Variants in CDK14 observed in about 807,000 individuals in gnomAD.
CDK14 encodes cyclin dependent kinase 14, also known as cyclin-dependent kinase 14.
In CDK14, 34 loss-of-function variants were observed where a neutral mutation model predicts 60.7. That is an observed-to-expected ratio of 0.56 (90% confidence interval 0.43 to 0.75). CDK14 has a LOEUF of 0.75. Ranked by LOEUF, CDK14 falls within the 30% of genes least tolerant of loss-of-function variation. CDK14 has a pLI of 0.00. For missense variants in CDK14, 482 were observed against 564.1 expected (o/e 0.85, Z 1.47); for synonymous variants, 197 against 203.7 (o/e 0.97, Z 0.28).
intron 10 of CDK14, among the ~76,000 whole-genome samples, chr7:90,987,320 A>G (rs1795400840): frequency 6.6e-6 from 1 of 152,022 alleles, no homozygotes; most frequent in South Asian, 2.1e-4. Flanking sequence ...CTAAACTACC[A>G]TTGCTCTTGT....
intron 2 of CDK14, among the ~76,000 whole-genome samples, chr7:90,702,182 T>C (rs983224979): frequency 2.0e-5 from 3 of 152,196 alleles, no homozygotes; most frequent in Non-Finnish European, 2.9e-5. Context: ...GTTCTACTTC[T>C]TTTTAAGAAA....
At chr7:90,712,329 C>G (rs1285948372) in intron 2 of CDK14, among the ~76,000 whole-genome samples, 2 of 151,800 alleles carry the variant, frequency 1.3e-5, no homozygotes, top group Non-Finnish European at 2.9e-5. Context: ...CCCTGGTAAT[C>G]TTATTCTACT....
intron 14 of CDK14, among the ~76,000 whole-genome samples, chr7:91,165,506 A>AG (rs1562977532): frequency 2.0e-5 from 3 of 152,178 alleles, no homozygotes; most frequent in African/African-American, 7.2e-5. Flanking sequence ...TTGGGTCTCC[A>AG]GGACTCCTTT....
At chr7:91,144,236 T>C (rs1022200976) in intron 14 of CDK14, among the ~76,000 whole-genome samples, 1 of 152,202 alleles carries the variant, frequency 6.6e-6, no homozygotes, top group Non-Finnish European at 1.5e-5. Context: ...TAAAACTGAA[T>C]GCAGTAAGAA....
At chr7:91,150,854 A>T (rs1800809988) in intron 14 of CDK14, among the ~76,000 whole-genome samples, 1 of 152,158 alleles carries the variant, frequency 6.6e-6, no homozygotes, top group Non-Finnish European at 1.5e-5. Context: ...TTAAAATTTA[A>T]ATTTTGATTC....
chr7:90,929,043 G>A (rs1793509932), intron 8 of CDK14, among the ~76,000 whole-genome samples: 2 of 152,204 alleles, frequency 1.3e-5, no homozygotes, highest in African/African-American at 4.8e-5. Context: ...GTAATCTCCT[G>A]GTGTGCCGTT....
intron 2 of CDK14, among the ~76,000 whole-genome samples, chr7:90,656,074 T>G (rs1196140133): frequency 1.3e-5 from 2 of 152,200 alleles, no homozygotes; most frequent in African/African-American, 4.8e-5. Context: ...TTTTGCGACT[T>G]CCAGGCATAA....
At chr7:90,946,481 G>T (rs1794103582) in intron 8 of CDK14, among the ~76,000 whole-genome samples, 1 of 151,992 alleles carries the variant, frequency 6.6e-6, no homozygotes, top group African/African-American at 2.4e-5. Flanking sequence ...AGAAAACCTG[G>T]GCAGCAACCA....
intron 9 of CDK14, among the ~76,000 whole-genome samples, chr7:90,976,170 C>T (rs1795067265): frequency 6.6e-6 from 1 of 152,148 alleles, no homozygotes; most frequent in South Asian, 2.1e-4. Context: ...CTTTTCTCCA[C>T]ATCCTTGCCA....
chr7:91,150,912 A>C (rs1433689923), intron 14 of CDK14, among the ~76,000 whole-genome samples: 1 of 152,230 alleles, frequency 6.6e-6, no homozygotes, highest in South Asian at 2.1e-4. Context: ...AATCAAAATG[A>C]ATTAGGTATT....
At chr7:90,994,152 T>C (rs543578065) in intron 10 of CDK14, among the ~76,000 whole-genome samples, 1 of 152,258 alleles carries the variant, frequency 6.6e-6, no homozygotes, top group African/African-American at 2.4e-5. Context: ...AGGAATTCAG[T>C]AGGAGCTTGG....
At chr7:90,694,515 A>T (rs1801617916) in intron 2 of CDK14, among the ~76,000 whole-genome samples, 1 of 152,126 alleles carries the variant, frequency 6.6e-6, no homozygotes, top group Admixed American at 6.5e-5. Flanking sequence ...GACCAACTGA[A>T]CTTTATTTTA....
At chr7:90,796,008 A>G (rs974239513) in intron 5 of CDK14, among the ~76,000 whole-genome samples, 3 of 152,202 alleles carry the variant, frequency 2.0e-5, no homozygotes, top group African/African-American at 7.2e-5. Context: ...CCTGAGGCAC[A>G]TTAAAGGTTA....
chr7:90,903,791 A>G (rs1190227533), intron 7 of CDK14, among the ~76,000 whole-genome samples: 1 of 152,194 alleles, frequency 6.6e-6, no homozygotes, highest in East Asian at 1.9e-4. Flanking sequence ...TATACATTGT[A>G]TGATTGTATA....
rs1805897733 is a variant in CDK14, at chr7:90,793,020, G to A, written c.544+2368G>A. Among the ~76,000 whole-genome samples the A allele has an allele frequency of 2.0e-5, 3 of 152,190 alleles. No homozygotes were observed. The South Asian group carries it at 6.2e-4, about 32-fold the overall frequency. ...AATTAGTGGCTGACCATCATTTTATGCATCTTTACTCTCCACATCACACCC... is the reference window on the plus strand; with the variant it reads ...AATTAGTGGCTGACCATCATTTTATACATCTTTACTCTCCACATCACACCC... On this transcript the variant is annotated intron_variant, in intron 5 of 14. Coordinates refer to ENST00000380050, the MANE Select transcript of CDK14 (RefSeq NM_001287135.2).
chr7:90,819,842 C>T (rs900021038), intron 5 of CDK14, among the ~76,000 whole-genome samples: 2 of 152,106 alleles, frequency 1.3e-5, no homozygotes, highest in African/African-American at 4.8e-5. Context: ...AGAAAGTACA[C>T]AGTAATTCAA....
intron 2 of CDK14, among the ~76,000 whole-genome samples, chr7:90,697,328 C>T (rs963073473): frequency 9.9e-5 from 15 of 151,988 alleles, no homozygotes; most frequent in African/African-American, 2.9e-4. Context: ...TGTCATTGAA[C>T]GAGATAGCAC....
intron 2 of CDK14, among the ~76,000 whole-genome samples, chr7:90,724,293 C>T (rs1040286358): frequency 5.3e-5 from 8 of 151,636 alleles, no homozygotes; most frequent in South Asian, 2.1e-4. Context: ...GTAATATTGG[C>T]GATGTATATT....
chr7:90,719,989 G>T (rs1016444079), intron 2 of CDK14, among the ~76,000 whole-genome samples: 1 of 152,120 alleles, frequency 6.6e-6, no homozygotes, highest in African/African-American at 2.4e-5. Flanking sequence ...CCCATGATTT[G>T]GGAAAACCAT....
Sources: allele counts gnomAD v4.1 joint callset (sites outside exome capture counted in the v4.1 genomes callset), GRCh38; gene constraint gnomAD v4.1.1; transcripts MANE v1.5; gene names NCBI Gene and HGNC (gene_info 2026-07-23, HGNC 2026-07-21).